Variants in SAMD5 observed in about 807,000 individuals in gnomAD.
SAMD5 encodes sterile alpha motif domain-containing protein 5.
In SAMD5, 13 loss-of-function variants were observed where a neutral mutation model predicts 11.3. The ratio of observed to expected loss-of-function variants is 1.15; its 90% CI spans 0.75 to 1.83. The LOEUF (loss-of-function observed/expected upper bound fraction) is 1.83, where lower values mean the gene tolerates loss of function less well. SAMD5 is among the 40% of genes most tolerant of loss of function. The pLI is 0.00. For synonymous variants in SAMD5, 129 were observed against 111.3 expected (o/e 1.16, Z -1.00); for missense variants, 255 against 239.1 (o/e 1.07, Z -0.44).
intron 1 of SAMD5, among the ~76,000 whole-genome samples, chr6:147,630,262 A>G (rs1790128098): frequency 6.6e-6 from 1 of 152,002 alleles, no homozygotes; most frequent in Admixed American, 6.6e-5. Context: ...TTTTCTTAAG[A>G]GGAAATAATT....
At chr6:147,947,676 T>C in the SAMD5 span, among the ~76,000 whole-genome samples, 1 of 152,208 alleles carries the variant, frequency 6.6e-6, no homozygotes, top group Non-Finnish European at 1.5e-5. Flanking sequence ...AGATTTTTTC[T>C]TTTTTCTGAG....
intron 1 of SAMD5, among the ~76,000 whole-genome samples, chr6:147,590,934 G>A (rs1789443322): frequency 1.3e-5 from 2 of 152,128 alleles, no homozygotes; most frequent in Admixed American, 1.3e-4. Flanking sequence ...GACATTGGAT[G>A]TTATTTATCT....
chr6:147,767,747 C>G, the SAMD5 span, among the ~76,000 whole-genome samples: 1 of 152,148 alleles, frequency 6.6e-6, no homozygotes, highest in Non-Finnish European at 1.5e-5. Flanking sequence ...TACCTGTTGT[C>G]TAAACTACCC....
chr6:147,895,406 TC>T, the SAMD5 span, among the ~76,000 whole-genome samples: 1 of 152,174 alleles, frequency 6.6e-6, no homozygotes, highest in East Asian at 1.9e-4. Flanking sequence ...TTTATTCTTG[TC>T]AGGTCTAGCC....
At chr6:147,552,332 A>G (rs1788788083) in intron 1 of SAMD5, among the ~76,000 whole-genome samples, 1 of 152,224 alleles carries the variant, frequency 6.6e-6, no homozygotes, top group African/African-American at 2.4e-5. Context: ...TAACCAATGC[A>G]AGCATGTTAT....
chr6:147,819,503 A>T, the SAMD5 span, among the ~76,000 whole-genome samples: 1 of 152,264 alleles, frequency 6.6e-6, no homozygotes, highest in East Asian at 1.9e-4. Flanking sequence ...ACCTTAATAA[A>T]TTCTTTTCTT....
the SAMD5 span, among the ~76,000 whole-genome samples, chr6:147,896,738 CAAAAAAAA>C: frequency 0.021 from 1,165 of 55,330 alleles, 20 homozygotes; most frequent in African/African-American, 0.078. Flanking sequence ...GAACATTAAC[CAAAAAAAA>C]AAAAAAAAAA....
rs148195356 is a variant in SAMD5 at position 147,619,086 on chromosome 6, C to T, written c.162+109699C>T. Among the ~76,000 whole-genome samples, 667 of 152,294 alleles carry T rather than the reference C, an allele frequency of 4.4e-3. 7 individuals are homozygous for T. The highest frequency in any genetic ancestry group is 0.01 in the Middle Eastern group (3 of 294). On this transcript the variant is annotated intron_variant, in intron 1 of 1. Coordinates refer to the SAMD5 transcript ENST00000566741. ...GATCACAGGCGTGAGCCGCAGCACC[C>T]GGCCTTTCCTGCTCTTGTGAAAAGC... is the stretch of plus-strand genomic sequence containing the variant.
chr6:147,855,266 A>G, the SAMD5 span, among the ~76,000 whole-genome samples: 16 of 152,310 alleles, frequency 1.1e-4, no homozygotes, highest in South Asian at 3.3e-3. Flanking sequence ...CATAGAGGTT[A>G]TAATAACCAT....
At chr6:147,625,367 T>C (rs1790035515) in intron 1 of SAMD5, among the ~76,000 whole-genome samples, 1 of 152,190 alleles carries the variant, frequency 6.6e-6, no homozygotes. Flanking sequence ...TTTCATTTAG[T>C]CTAACTCTCA....
chr6:147,690,766 C>T (rs1262931170), intron 1 of SAMD5, among the ~76,000 whole-genome samples: 4 of 152,060 alleles, frequency 2.6e-5, no homozygotes, highest in Admixed American at 2.6e-4. Flanking sequence ...TGTGGTTGAG[C>T]AAAGCAGTTA....
chr6:147,680,026 C>A (rs559476132), intron 1 of SAMD5, among the ~76,000 whole-genome samples: 1 of 150,988 alleles, frequency 6.6e-6, no homozygotes, highest in Non-Finnish European at 1.5e-5. Context: ...GTCTTGAAAT[C>A]AGGTAATGTA....
chr6:147,802,915 C>T, the SAMD5 span, among the ~76,000 whole-genome samples: 1 of 152,104 alleles, frequency 6.6e-6, no homozygotes, highest in African/African-American at 2.4e-5. Flanking sequence ...CAGGAAAGGG[C>T]ATGAAGGAAT....
chr6:147,509,343 G>A lies in SAMD5; in HGVS notation c.415G>A (p.Val139Ile), dbSNP rs1252446556. 4 of 1,578,964 alleles carry A rather than the reference G, an allele frequency of 2.5e-6. No individual in the cohort carries two copies. The highest frequency in any genetic ancestry group is 2.6e-6 in the Non-Finnish European group (3 of 1,164,426). Residue 139 changes from valine to isoleucine, a missense_variant, in exon 1 of 2, where the codon GTC (valine) becomes ATC (isoleucine). By Grantham distance (29) the Val-to-Ile change is conservative (BLOSUM62 3). Transcript: ENST00000367474. ...KLKIMIRDKL[V>I]RDGIHLSKPP... is the part of the protein sequence containing the mutation. ...GAAGATCATGATCAGGGATAAGCTC[G>A]TCCGTGACGGCATCCACCTGAGCAA...
chr6:147,848,746 A>G, the SAMD5 span, among the ~76,000 whole-genome samples: 1 of 152,224 alleles, frequency 6.6e-6, no homozygotes, highest in Non-Finnish European at 1.5e-5. Flanking sequence ...GTTGTGAGAC[A>G]TGATGCAGAC....
At chr6:147,922,729 G>T in the SAMD5 span, among the ~76,000 whole-genome samples, 1 of 152,118 alleles carries the variant, frequency 6.6e-6, no homozygotes, top group Non-Finnish European at 1.5e-5. Context: ...TTTCCAAGGG[G>T]TGTAGTTAAT....
At chr6:147,789,278 AACACACACACAC>A in the SAMD5 span, among the ~76,000 whole-genome samples, 6,054 of 141,178 alleles carry the variant, frequency 0.043, 167 homozygotes, top group Non-Finnish European at 0.051. Context: ...TCTCTAGAAA[AACACACACACAC>A]ACACACACAC....
the SAMD5 span, among the ~76,000 whole-genome samples, chr6:147,908,094 T>A: frequency 1.3e-5 from 2 of 152,178 alleles, no homozygotes; most frequent in African/African-American, 2.4e-5. Context: ...TCTATAAATA[T>A]GTAAATTACC....
chr6:147,897,424 T>C, the SAMD5 span, among the ~76,000 whole-genome samples: 2 of 152,200 alleles, frequency 1.3e-5, no homozygotes, highest in African/African-American at 4.8e-5. Flanking sequence ...GGTCAGCTCC[T>C]GCACTTAGAC....
Sources: allele counts gnomAD v4.1 joint callset (sites outside exome capture counted in the v4.1 genomes callset), GRCh38; gene constraint gnomAD v4.1.1; transcripts MANE v1.5; gene names NCBI Gene and HGNC (gene_info 2026-07-23, HGNC 2026-07-21).